PCDH18: variants seen among roughly 807,000 people sequenced by gnomAD.
The protein encoded by PCDH18 is protocadherin-18.
In PCDH18, 38 loss-of-function variants were observed where a neutral mutation model predicts 71.5. The ratio of observed to expected loss-of-function variants is 0.53; its 90% CI spans 0.41 to 0.70. The LOEUF is 0.70. Among genes scored for constraint, PCDH18 ranks in the 30% least tolerant of loss-of-function variants. PCDH18 has a pLI of 0.00. For missense variants in PCDH18, 1,334 were observed against 1,384.6 expected, an observed-to-expected ratio of 0.96 and a Z score of 0.58; for synonymous variants, 565 against 505.4, an observed-to-expected ratio of 1.12 and a Z score of -1.58.
intron 3 of PCDH18, among the ~76,000 whole-genome samples, chr4:137,522,208 A>G (rs796893497): frequency 6.6e-6 from 1 of 152,292 alleles, no homozygotes; most frequent in East Asian, 1.9e-4. Flanking sequence ...AGATATTACA[A>G]ATTATTTATT....
intron 3 of PCDH18, among the ~76,000 whole-genome samples, chr4:137,527,576 C>A (rs1248983731): frequency 6.6e-6 from 1 of 152,020 alleles, no homozygotes; most frequent in Non-Finnish European, 1.5e-5. Context: ...TATCTGTATT[C>A]AAAAATAGAG....
Position 137,530,363 on chromosome 4 carries a change from C to T in PCDH18, c.1726G>A (p.Val576Ile). The change falls in exon 1 of 4, where the codon GTT (valine) becomes ATT (isoleucine). Residue 576 changes from valine to isoleucine, a missense_variant. Transcript: ENST00000344876. ...IIDENDNVPVVIGPALRNNTA... is the reference protein window; with the variant it reads ...IIDENDNVPVIIGPALRNNTA... ...TTATTACGCAATGCAGGCCCTATAA[C>T]CACAGGAACGTTGTCATTTTCGTCA... 1 of 1,614,060 alleles carries T rather than the reference C, an allele frequency of 6.2e-7. No homozygotes were observed. Among genetic ancestry groups the T allele is most frequent in the Non-Finnish European group, 8.5e-7 (1 of 1,179,958 alleles).
At chr4:137,528,911 A>C in intron 1 of PCDH18, 91 bp from the exon 2 acceptor site, 1 of 901,402 alleles carries the variant, frequency 1.1e-6, no homozygotes, top group Non-Finnish European at 1.8e-6. Flanking sequence ...TTGCTATTTC[A>C]ACTAAGTAAT....
chr4:137,519,527 T>C lies in PCDH18; in HGVS notation c.*1502A>G, dbSNP rs549088751. The stretch of plus-strand genomic sequence containing the variant: ...TTACTACTTTCATTCCCATTACAAG[T>C]CTCAAACTCATTCCTTTTCCATTGT... On this transcript the variant is annotated 3_prime_UTR_variant, in exon 4 of 4. Coordinates refer to ENST00000344876, the MANE Select transcript of PCDH18 (RefSeq NM_019035.5). 2 of 152,286 alleles carry C rather than the reference T, an allele frequency of 1.3e-5. No homozygotes were observed. Among genetic ancestry groups the C allele is most frequent in the Admixed American group, 6.5e-5 (1 of 15,286 alleles). The allele number at this position is 152,286 out of a possible 1,614,324, so 9.4% of individuals were successfully genotyped here.
chr4:137,531,183 T>C lies in PCDH18; in HGVS notation c.906A>G (p.Glu302=), dbSNP rs1006234730. Residue 302 remains glutamate (E), a synonymous_variant, in exon 1 of 4, where the codon GAA becomes GAG. Transcript: ENST00000344876. ...GCTTGAAAAGAGTCAAATGTCCTCT[T>C]TCAGAATCAATTTTAAAAGTCTCCA... ...KIMETFKIDS[E]RGHLTLFKQV... The C allele has an allele frequency of 6.2e-7, 1 of 1,612,728 alleles. No homozygotes were observed. The highest frequency in any genetic ancestry group is 8.5e-7 in the Non-Finnish European group (1 of 1,179,210).
At position 137,528,638 on chromosome 4, in the gene PCDH18, A is replaced by T; in HGVS notation, c.2580T>A (p.Tyr860Ter). Residue 860 changes from tyrosine (Y) to a stop codon, truncating the protein, a stop_gained, in exon 3 of 4, where the codon TAT becomes TAA. Transcript: ENST00000344876. LOFTEE classifies it high-confidence loss of function. Reference protein sequence around the residue: ...RGNKYSRSYRYALQDMDKFSL... With the variant: ...RGNKYSRSYR ...TAAATTTGTCCATGTCTTGAAGGGC[A>T]TATCTGGAAAGATAAATCACAAAAA... The T allele has an allele frequency of 6.2e-7, 1 of 1,613,864 alleles. No individual in the cohort carries two copies. Among genetic ancestry groups the T allele is most frequent in the South Asian group, 1.1e-5 (1 of 91,070 alleles).
intron 3 of PCDH18, among the ~76,000 whole-genome samples, chr4:137,526,509 G>C (rs369557909): frequency 6.6e-5 from 10 of 152,038 alleles, no homozygotes; most frequent in African/African-American, 2.4e-4. Context: ...TTTGAGCAAA[G>C]TGTCTGATTC....
Position 137,520,199 on chromosome 4 carries a change from T to C in PCDH18, c.*830A>G, listed in dbSNP as rs969047052. ...CATTAGAACACATACTGTTATCCAT[T>C]TAAAGGACAGATTCCATTTCCTTGG... On this transcript the variant is annotated 3_prime_UTR_variant, in exon 4 of 4. Coordinates refer to ENST00000344876, the MANE Select transcript of PCDH18 (RefSeq NM_019035.5). 2 of 152,590 alleles carry C rather than the reference T, an allele frequency of 1.3e-5. No homozygotes were observed. Among genetic ancestry groups the C allele is most frequent in the Non-Finnish European group, 1.5e-5 (1 of 68,038 alleles). The allele number at this position is 152,590 out of a possible 1,614,324, so 9.5% of individuals were successfully genotyped here.
At chr4:137,529,129 T>C (rs1313342715) in intron 1 of PCDH18, 1 of 372,388 alleles carries the variant, frequency 2.7e-6, no homozygotes, top group Non-Finnish European at 4.9e-6. Flanking sequence ...TAAAAATACA[T>C]GGAAAATACT....
Position 137,531,831 on chromosome 4 carries a change from G to C in PCDH18, c.258C>G (p.Ile86Met), listed in dbSNP as rs771851173. The part of the protein sequence containing the change: ...LLVVNEDNGE[I>M]SIGATIDREQ... Reference sequence around the variant, plus strand: ...CACGGTCAATTGTAGCCCCTATGCTGATTTCCCCATTATCCTCGTTTACTA... The same window carrying C: ...CACGGTCAATTGTAGCCCCTATGCTCATTTCCCCATTATCCTCGTTTACTA... The change falls in exon 1 of 4, where the codon ATC (isoleucine) becomes ATG (methionine). Residue 86 changes from isoleucine (I) to methionine (M), a missense_variant. Physicochemically the swap from Ile to Met is conservative, Grantham distance 10. Transcript: ENST00000344876. 6.8e-6 allele frequency: 11 copies of C among 1,613,984 alleles called. No homozygotes were observed. Among genetic ancestry groups the C allele is most frequent in the Non-Finnish European group, 9.3e-6 (11 of 1,180,002 alleles).
chr4:137,521,387 G>A lies in PCDH18; in HGVS notation c.3050C>T (p.Pro1017Leu). 3.1e-6 allele frequency: 5 copies of A among 1,614,168 alleles called. No homozygotes were observed. Among genetic ancestry groups the A allele is most frequent in the South Asian group, 1.1e-5 (1 of 91,084 alleles). Residue 1017 changes from proline to leucine, a missense_variant, in exon 4 of 4, where the codon CCG (proline) becomes CTG (leucine). By Grantham distance (98) the Pro-to-Leu change is moderately conservative (BLOSUM62 -3). Transcript: ENST00000344876. ...TTCAGAATAGGTGTCCAGGGAAGGC[G>A]GTAAGAGACGCTGGAACACACTGCT... ...EMSSVFQRLL[P>L]PSLDTYSECS...
chr4:137,522,572 T>C (rs972842380), intron 3 of PCDH18, among the ~76,000 whole-genome samples: 1 of 152,226 alleles, frequency 6.6e-6, no homozygotes, highest in Non-Finnish European at 1.5e-5. Flanking sequence ...CATTGACTTA[T>C]TTCAGTGAGA....
At chr4:137,525,216 CA>C (rs957749323) in intron 3 of PCDH18, among the ~76,000 whole-genome samples, 2 of 151,758 alleles carry the variant, frequency 1.3e-5, no homozygotes, top group Non-Finnish European at 2.9e-5. Context: ...AGCCAACAGA[CA>C]AAAAAATGCA....
chr4:137,530,697 G>T lies in PCDH18; in HGVS notation c.1392C>A (p.His464Gln), dbSNP rs376503362. Residue 464 changes from histidine to glutamine, a missense_variant, in exon 1 of 4, where the codon CAC (histidine) becomes CAA (glutamine). By Grantham distance (24) the His-to-Gln change is conservative. Transcript: ENST00000344876. ...CAAATTCATATCGGCTTCTCTGGAAGTGGGGTGGATTGTCATTGATATCAT... is the reference window on the plus strand; with the variant it reads ...CAAATTCATATCGGCTTCTCTGGAATTGGGGTGGATTGTCATTGATATCAT... ...QINDINDNPP[H>Q]FQRSRYEFVI... 1.3e-5 allele frequency: 21 copies of T among 1,612,972 alleles called. No homozygotes were observed. Among genetic ancestry groups the T allele is most frequent in the Non-Finnish European group, 1.8e-5 (21 of 1,179,478 alleles).
rs946823855 is a variant in PCDH18 at position 137,519,920 on chromosome 4, G to A, written c.*1109C>T. 1.3e-5 allele frequency: 2 copies of A among 152,284 alleles called. No individual in the cohort carries two copies. The highest frequency in any genetic ancestry group is 4.8e-5 in the African/African-American group (2 of 41,342). 9.4% of individuals were successfully genotyped at this position (152,284 alleles called of 1,614,324 possible). On this transcript the variant is annotated 3_prime_UTR_variant, in exon 4 of 4. Transcript: ENST00000344876. ...CCACACAACAAATAAAACAATTGCA[G>A]TAACAAAAATATGATTTTATAAATG...
At chr4:137,521,790 A>G (rs1578738859) in intron 3 of PCDH18, 94 bp from the exon 4 acceptor site, 1 of 895,196 alleles carries the variant, frequency 1.1e-6, no homozygotes, top group East Asian at 2.6e-5. Context: ...ATAGAATGAG[A>G]CAATTTTAAA....
At position 137,530,359 on chromosome 4, in the gene PCDH18, A is replaced by G. The variant is rs746812538; in HGVS notation, c.1730T>C (p.Ile577Thr). The G allele has an allele frequency of 1.2e-6, 2 of 1,614,072 alleles. No individual in the cohort carries two copies. The highest frequency in any genetic ancestry group is 1.1e-5 in the South Asian group (1 of 91,070). ...IDENDNVPVV[I>T]GPALRNNTAE... ...CGTATTATTACGCAATGCAGGCCCT[A>G]TAACCACAGGAACGTTGTCATTTTC... Residue 577 changes from isoleucine (I) to threonine (T), a missense_variant, in exon 1 of 4, where the codon ATA becomes ACA. Coordinates refer to ENST00000344876, the MANE Select transcript of PCDH18 (RefSeq NM_019035.5).
At chr4:137,525,495 A>C (rs1296347994) in intron 3 of PCDH18, among the ~76,000 whole-genome samples, 3 of 152,158 alleles carry the variant, frequency 2.0e-5, no homozygotes, top group Non-Finnish European at 4.4e-5. Flanking sequence ...TTTACAAAAC[A>C]CAAGTTTTAC....
At chr4:137,521,960 A>G (rs1731315319) in intron 3 of PCDH18, among the ~76,000 whole-genome samples, 1 of 152,124 alleles carries the variant, frequency 6.6e-6, no homozygotes, top group Admixed American at 6.5e-5. Context: ...TTGAATAATG[A>G]TAAGATGGGT....
Sources: gnomAD v4.1 joint callset for allele counts (sites outside exome capture counted in the v4.1 genomes callset) on GRCh38, gnomAD v4.1.1 for gene constraint, MANE v1.5 for transcripts, NCBI Gene and HGNC (gene_info 2026-07-23, HGNC 2026-07-21) for gene names.